CFAP210: variants seen among roughly 807,000 people sequenced by gnomAD.
The protein encoded by CFAP210 is cilia and flagella associated protein 210, also known as cilia- and flagella- associated protein 210.
chr2:169,659,744 C>T, the CFAP210 span, among the ~76,000 whole-genome samples: 1 of 152,208 alleles, frequency 6.6e-6, no homozygotes, highest in African/African-American at 2.4e-5. Flanking sequence ...GCCTTCCCAA[C>T]AGTCCCCAAA....
the CFAP210 span, among the ~76,000 whole-genome samples, chr2:169,664,970 A>T: frequency 2.0e-5 from 3 of 152,244 alleles, no homozygotes; most frequent in Non-Finnish European, 4.4e-5. Context: ...ATGACACTAC[A>T]TCCCAAGAAA....
the CFAP210 span, among the ~76,000 whole-genome samples, chr2:169,665,988 C>A: frequency 1.3e-5 from 2 of 152,080 alleles, no homozygotes; most frequent in African/African-American, 4.8e-5. Flanking sequence ...CTTGACCTCC[C>A]CAAACTGCTA....
the CFAP210 span, among the ~76,000 whole-genome samples, chr2:169,677,467 T>A: frequency 6.6e-6 from 1 of 152,152 alleles, no homozygotes; most frequent in South Asian, 2.1e-4. Flanking sequence ...CTCGTGATAA[T>A]CTCAATAGAC....
the CFAP210 span, among the ~76,000 whole-genome samples, chr2:169,653,029 A>AAAATAT: frequency 2.5e-5 from 1 of 39,968 alleles, no homozygotes; most frequent in Non-Finnish European, 4.0e-5. Flanking sequence ...AAAAAAAAAA[A>AAAATAT]ATATATATAT....
the CFAP210 span, among the ~76,000 whole-genome samples, chr2:169,677,972 G>A: frequency 6.6e-6 from 1 of 152,100 alleles, no homozygotes; most frequent in Admixed American, 6.5e-5. Context: ...TTAAAAATAT[G>A]AAATATTTAG....
the CFAP210 span, among the ~76,000 whole-genome samples, chr2:169,667,605 G>C: frequency 6.6e-6 from 1 of 152,042 alleles, no homozygotes; most frequent in Non-Finnish European, 1.5e-5. Flanking sequence ...TGATCCATGG[G>C]CTGCAGAATG....
At chr2:169,653,250 G>C in the CFAP210 span, among the ~76,000 whole-genome samples, 4 of 151,430 alleles carry the variant, frequency 2.6e-5, no homozygotes, top group African/African-American at 7.3e-5. Flanking sequence ...AAGAAAGCAA[G>C]TTACGTGCTC....
the CFAP210 span, chr2:169,674,576 T>C: frequency 1.9e-6 from 3 of 1,588,066 alleles, no homozygotes; most frequent in East Asian, 2.3e-5. Context: ...GTATACATAC[T>C]GTTTTAGATG....
the CFAP210 span, chr2:169,681,129 T>A: frequency 6.2e-7 from 1 of 1,613,964 alleles, no homozygotes; most frequent in Non-Finnish European, 8.5e-7. Context: ...CTATCTTGAA[T>A]CCTTTTCCAC....
chr2:169,649,040 T>A, the CFAP210 span: 1 of 642,546 alleles, frequency 1.6e-6, no homozygotes, highest in South Asian at 2.9e-5. Flanking sequence ...AAACCTCACA[T>A]TTTTAATACA....
chr2:169,669,987 C>T, the CFAP210 span, among the ~76,000 whole-genome samples: 6 of 151,840 alleles, frequency 4.0e-5, no homozygotes, highest in East Asian at 1.9e-4. Flanking sequence ...CACTTAAGCC[C>T]TCTTCTCTCT....
At chr2:169,678,579 C>G in the CFAP210 span, among the ~76,000 whole-genome samples, 1 of 152,084 alleles carries the variant, frequency 6.6e-6, no homozygotes, top group Admixed American at 6.6e-5. Flanking sequence ...AATCCCGGCA[C>G]TTTGGGAGGC....
the CFAP210 span, among the ~76,000 whole-genome samples, chr2:169,672,958 G>T: frequency 0.11 from 16,925 of 152,046 alleles, 1,204 homozygotes; most frequent in South Asian, 0.26. Context: ...TATACCACTG[G>T]TCTTACCCAC....
chr2:169,675,991 A>G, the CFAP210 span, among the ~76,000 whole-genome samples: 1 of 152,150 alleles, frequency 6.6e-6, no homozygotes, highest in Non-Finnish European at 1.5e-5. Flanking sequence ...TATTTATGTT[A>G]AAAGTTTTAG....
chr2:169,667,142 CTTTTTT>C, the CFAP210 span, among the ~76,000 whole-genome samples: 3 of 58,092 alleles, frequency 5.2e-5, no homozygotes, highest in East Asian at 5.8e-4. Flanking sequence ...TTTCTTTTTT[CTTTTTT>C]TTTTTTTTTG....
the CFAP210 span, among the ~76,000 whole-genome samples, chr2:169,690,823 A>T: frequency 6.6e-6 from 1 of 151,628 alleles, no homozygotes; most frequent in African/African-American, 2.4e-5. Flanking sequence ...TGCTTTCAAG[A>T]TTTTCTCTGT....
the CFAP210 span, among the ~76,000 whole-genome samples, chr2:169,646,394 T>C: frequency 1.3e-5 from 2 of 152,204 alleles, no homozygotes; most frequent in African/African-American, 2.4e-5. Context: ...AATAGCCTTA[T>C]GTGATACATT....
the CFAP210 span, among the ~76,000 whole-genome samples, chr2:169,654,414 A>G: frequency 6.6e-6 from 1 of 152,366 alleles, no homozygotes; most frequent in East Asian, 1.9e-4. Context: ...TATTTATAAT[A>G]GCAAAAAAAT....
the CFAP210 span, among the ~76,000 whole-genome samples, chr2:169,647,745 T>C: frequency 2.0e-5 from 3 of 152,178 alleles, no homozygotes. Context: ...ATACTATCAA[T>C]GGAGTAAAAA....
Sources: gnomAD v4.1 joint callset for allele counts (sites outside exome capture counted in the v4.1 genomes callset) on GRCh38, gnomAD v4.1.1 for gene constraint, MANE v1.5 for transcripts, NCBI Gene and HGNC (gene_info 2026-07-23, HGNC 2026-07-21) for gene names.